The following SVEP1 variants were observed in gnomAD, a reference collection of about 807,000 sequenced individuals.
The protein encoded by SVEP1 is sushi, von Willebrand factor type A, EGF and pentraxin domain-containing protein 1.
A neutral mutation model predicts 367.3 loss-of-function variants in SVEP1; 164 were observed. The observed-to-expected ratio is 0.45, with a 90% CI of 0.39 to 0.51. The LOEUF (loss-of-function observed/expected upper bound fraction) is 0.51, where lower values mean the gene tolerates loss of function less well. Among genes scored for constraint, SVEP1 ranks in the 20% least tolerant of loss-of-function variants. The pLI, the probability that SVEP1 is intolerant of heterozygous loss-of-function variation, is 0.00. For synonymous variants in SVEP1, 1,666 were observed against 1,611.6 expected (o/e 1.03, Z -0.81); for missense variants, 4,117 against 4,425.3 (o/e 0.93, Z 1.98).
chr9:110,417,098 T>C (rs571120123), intron 36 of SVEP1, among the ~76,000 whole-genome samples: 1 of 151,584 alleles, frequency 6.6e-6, no homozygotes, highest in South Asian at 2.1e-4. Flanking sequence ...TATGGAAAAA[T>C]TGGAGGAGGA....
At position 110,369,952 on chromosome 9, in the gene SVEP1, A is replaced by G. The variant is rs375439738; in HGVS notation, c.10665T>C (p.Leu3555=). The change falls in exon 47 of 48, where the codon CTT becomes CTC. Residue 3555 remains leucine, a synonymous_variant. Transcript: ENST00000374469. ...KCVRPNRCHC[L]SSWTGHNCSR... ...AACAGTTATGTCCCGTCCAAGAAGA[A>G]AGACAGTGACATCGGTTTGGTCTTA... The G allele has an allele frequency of 3.0e-5, 48 of 1,613,266 alleles. No individual in the cohort carries two copies. The highest frequency in any genetic ancestry group is 4.1e-5 in the Non-Finnish European group (48 of 1,179,576).
At chr9:110,519,132 G>A (rs1829844510) in intron 3 of SVEP1, among the ~76,000 whole-genome samples, 1 of 151,992 alleles carries the variant, frequency 6.6e-6, no homozygotes, top group African/African-American at 2.4e-5. Context: ...CTGTGACTTG[G>A]TTTCTTCGTG....
At chr9:110,468,693 C>T (rs1370772387) in intron 17 of SVEP1, among the ~76,000 whole-genome samples, 1 of 152,250 alleles carries the variant, frequency 6.6e-6, no homozygotes, top group East Asian at 1.9e-4. Context: ...TACTCCACAA[C>T]TATCCTCTTC....
chr9:110,429,057 A>T, intron 35 of SVEP1, 86 bp downstream of exon 35: 2 of 1,165,262 alleles, frequency 1.7e-6, no homozygotes, highest in Non-Finnish European at 2.3e-6. Flanking sequence ...TGTCACAGTG[A>T]GACCATGTCT....
chr9:110,415,661 T>G (rs1289982791), intron 36 of SVEP1, among the ~76,000 whole-genome samples: 2 of 151,874 alleles, frequency 1.3e-5, no homozygotes, highest in Non-Finnish European at 1.5e-5. Context: ...TAAAGAGAGA[T>G]AAGATGAGTG....
At chr9:110,374,468 G>C (rs1482626802) in intron 46 of SVEP1, among the ~76,000 whole-genome samples, 2 of 152,142 alleles carry the variant, frequency 1.3e-5, no homozygotes, top group Non-Finnish European at 2.9e-5. Context: ...TGGCCAACAT[G>C]GTGAAACTCT....
At chr9:110,441,813 A>G (rs1828513550) in intron 27 of SVEP1, among the ~76,000 whole-genome samples, 1 of 151,934 alleles carries the variant, frequency 6.6e-6, no homozygotes, top group Non-Finnish European at 1.5e-5. Flanking sequence ...ACACCCTATT[A>G]CTTCTTTCTG....
intron 8 of SVEP1, among the ~76,000 whole-genome samples, chr9:110,491,542 T>C (rs1277507863): frequency 6.6e-6 from 1 of 151,884 alleles, no homozygotes; most frequent in East Asian, 1.9e-4. Flanking sequence ...TTTTAACCTA[T>C]TTTAGTAACC....
chr9:110,378,210 C>T (rs949612782), intron 44 of SVEP1, among the ~76,000 whole-genome samples: 1 of 152,196 alleles, frequency 6.6e-6, no homozygotes. Flanking sequence ...ATCACACACA[C>T]AACACTCATT....
intron 3 of SVEP1, among the ~76,000 whole-genome samples, chr9:110,521,588 C>A (rs1431724047): frequency 6.6e-6 from 1 of 152,144 alleles, no homozygotes; most frequent in Non-Finnish European, 1.5e-5. Context: ...CATACACACT[C>A]AAAAATACAC....
chr9:110,539,249 G>A (rs550811242), intron 3 of SVEP1, among the ~76,000 whole-genome samples: 1 of 152,036 alleles, frequency 6.6e-6, no homozygotes, highest in Non-Finnish European at 1.5e-5. Context: ...TAGGTGTGAT[G>A]GGAAAGGGAG....
chr9:110,481,516 T>C (rs1829187514), intron 11 of SVEP1, 80 bp from the exon 12 acceptor site: 3 of 1,039,096 alleles, frequency 2.9e-6, no homozygotes, highest in Non-Finnish European at 3.9e-6. Flanking sequence ...AGCAGAATTT[T>C]GAAAAGGACT....
chr9:110,563,129 G>A (rs1398684015), intron 1 of SVEP1, among the ~76,000 whole-genome samples: 1 of 152,114 alleles, frequency 6.6e-6, no homozygotes, highest in African/African-American at 2.4e-5. Flanking sequence ...GCAAAATTTT[G>A]TGGTAACTGA....
Position 110,508,692 on chromosome 9 carries a change from C to T in SVEP1, c.1303+4234G>A, listed in dbSNP as rs552619933. ...AGGAGAATGGCGTGAACCCAGGAGA[C>T]GGAGCTTGCAGTGAGCCGAGATCGT... On this transcript the variant is annotated intron_variant, in intron 5 of 47. Transcript: ENST00000374469. Among the ~76,000 whole-genome samples, 258 of 137,438 alleles carry T rather than the reference C, an allele frequency of 1.9e-3. 1 individual carries two copies. The highest frequency in any genetic ancestry group is 6.7e-3 in the African/African-American group (245 of 36,350). 90.2% of individuals were successfully genotyped at this position (137,438 alleles called of 152,430 possible).
chr9:110,535,325 G>C lies in SVEP1; in HGVS notation c.964+10790C>G, dbSNP rs12000940. On this transcript the variant is annotated intron_variant, in intron 3 of 47. Transcript: ENST00000374469. ...CCATTTTGTCAAAGATCAGATGGTT[G>C]TAGGTGTGTGACCTTATTTCTGGGC... is the stretch of plus-strand genomic sequence containing the variant. 9.1e-3 allele frequency among the ~76,000 whole-genome samples: 1,381 copies of C among 152,210 alleles called. 25 individuals carry two copies. Among genetic ancestry groups the C allele is most frequent in the African/African-American group, 0.032 (1,321 of 41,542 alleles).
At chr9:110,440,288 G>A (rs1443584808) in intron 27 of SVEP1, among the ~76,000 whole-genome samples, 1 of 152,000 alleles carries the variant, frequency 6.6e-6, no homozygotes, top group East Asian at 1.9e-4. Context: ...ACTACTTTGG[G>A]GATCAGCCAA....
chr9:110,527,828 G>T (rs1354499471), intron 3 of SVEP1, among the ~76,000 whole-genome samples: 1 of 151,354 alleles, frequency 6.6e-6, no homozygotes, highest in East Asian at 1.9e-4. Flanking sequence ...AAACTACTAG[G>T]TAGGTTTTTT....
chr9:110,507,022 G>A (rs72748887), intron 5 of SVEP1, among the ~76,000 whole-genome samples: 1 of 152,214 alleles, frequency 6.6e-6, no homozygotes, highest in South Asian at 2.1e-4. Context: ...TTCCATTCAC[G>A]AACAGAGATT....
intron 14 of SVEP1, among the ~76,000 whole-genome samples, chr9:110,474,543 C>G (rs1400374540): frequency 2.0e-5 from 3 of 152,054 alleles, no homozygotes; most frequent in Admixed American, 1.3e-4. Context: ...TATTAGGTGA[C>G]AAATATCGCT....
Sources: gnomAD v4.1 joint callset for allele counts (sites outside exome capture counted in the v4.1 genomes callset) on GRCh38, gnomAD v4.1.1 for gene constraint, MANE v1.5 for transcripts, NCBI Gene and HGNC (gene_info 2026-07-23, HGNC 2026-07-21) for gene names.